Variants in SH3GL2 observed in about 807,000 individuals in gnomAD.
SH3GL2 encodes SH3 domain containing GRB2 like 2, endophilin A1.
In SH3GL2, 24 loss-of-function variants were observed where a neutral mutation model predicts 46.0. The ratio of observed to expected loss-of-function variants is 0.52; its 90% CI spans 0.38 to 0.73. SH3GL2 has a LOEUF of 0.73. Among genes scored for constraint, SH3GL2 ranks in the 30% least tolerant of loss-of-function variants. The pLI is 0.00. For synonymous variants in SH3GL2, 196 were observed against 147.1 expected (o/e 1.33, Z -2.40); for missense variants, 413 against 424.2 (o/e 0.97, Z 0.23).
chr9:17,728,825 A>C (rs34657366), intron 1 of SH3GL2, among the ~76,000 whole-genome samples: 1 of 152,152 alleles, frequency 6.6e-6, no homozygotes, highest in African/African-American at 2.4e-5. Flanking sequence ...TTATGGCTGC[A>C]TAGTATTCCA....
chr9:17,603,405 G>A (rs984182332), intron 1 of SH3GL2, among the ~76,000 whole-genome samples: 2 of 152,168 alleles, frequency 1.3e-5, no homozygotes. Context: ...AAGACTCTGT[G>A]ATCCCACTTA....
At chr9:17,688,116 C>T (rs991679328) in intron 1 of SH3GL2, among the ~76,000 whole-genome samples, 1 of 151,922 alleles carries the variant, frequency 6.6e-6, no homozygotes, top group African/African-American at 2.4e-5. Context: ...ATTAAAATAC[C>T]TCTGAACTTG....
chr9:17,769,639 C>A (rs931163429), intron 3 of SH3GL2, among the ~76,000 whole-genome samples: 5 of 152,140 alleles, frequency 3.3e-5, no homozygotes, highest in Non-Finnish European at 7.4e-5. Context: ...CTGTACAGTC[C>A]TTTCCTGCCC....
At chr9:17,616,880 G>C (rs1188145655) in intron 1 of SH3GL2, among the ~76,000 whole-genome samples, 1 of 152,164 alleles carries the variant, frequency 6.6e-6, no homozygotes, top group Non-Finnish European at 1.5e-5. Flanking sequence ...AGTCAGCGTA[G>C]TATAAAAGGT....
intron 1 of SH3GL2, among the ~76,000 whole-genome samples, chr9:17,651,689 T>A (rs1238790649): frequency 6.6e-6 from 1 of 152,194 alleles, no homozygotes; most frequent in African/African-American, 2.4e-5. Flanking sequence ...TGAAAGAGAT[T>A]TGTGTTGGCT....
chr9:17,696,360 A>G (rs747842270), intron 1 of SH3GL2, among the ~76,000 whole-genome samples: 3 of 152,216 alleles, frequency 2.0e-5, no homozygotes, highest in Non-Finnish European at 2.9e-5. Context: ...CCAAAGAGAA[A>G]GTATTCCTGG....
intron 1 of SH3GL2, among the ~76,000 whole-genome samples, chr9:17,673,400 C>T (rs796924017): frequency 2.8e-4 from 43 of 151,530 alleles, no homozygotes; most frequent in African/African-American, 9.9e-4. Flanking sequence ...GATCTGCCTG[C>T]CTCCCAAAGT....
At chr9:17,724,814 GTTTC>G (rs1316222482) in intron 1 of SH3GL2, among the ~76,000 whole-genome samples, 5 of 152,126 alleles carry the variant, frequency 3.3e-5, no homozygotes, top group Non-Finnish European at 5.9e-5. Flanking sequence ...GCTCAAATTT[GTTTC>G]TTTGTGTTTA....
chr9:17,741,719 C>A (rs1013535441), intron 1 of SH3GL2, among the ~76,000 whole-genome samples: 5 of 152,200 alleles, frequency 3.3e-5, no homozygotes, highest in African/African-American at 1.2e-4. Context: ...AAGTCTCAGA[C>A]ATTTTCAAAT....
At chr9:17,779,674 T>G (rs941660301) in intron 3 of SH3GL2, among the ~76,000 whole-genome samples, 8 of 152,168 alleles carry the variant, frequency 5.3e-5, no homozygotes, top group African/African-American at 1.7e-4. Context: ...GAATTTTGTT[T>G]CATCTTCATT....
intron 1 of SH3GL2, among the ~76,000 whole-genome samples, chr9:17,686,006 A>C (rs1301818151): frequency 7.7e-5 from 11 of 143,200 alleles, no homozygotes; most frequent in Non-Finnish European, 1.2e-4. Flanking sequence ...TGAACAGGCA[A>C]CCTACAAAAT....
intron 3 of SH3GL2, among the ~76,000 whole-genome samples, chr9:17,784,414 G>A (rs1370992331): frequency 1.3e-5 from 2 of 152,100 alleles, no homozygotes; most frequent in Non-Finnish European, 2.9e-5. Flanking sequence ...AGGATTTGTA[G>A]GGATTAACTC....
rs1821673433 is a variant in SH3GL2 at position 17,713,158 on chromosome 9, A to C, written c.46-33908A>C. 3.3e-5 allele frequency among the ~76,000 whole-genome samples: 5 copies of C among 151,132 alleles called. No individual in the cohort carries two copies. The South Asian group carries it at 1.0e-3, about 31-fold the overall frequency. ...TGTAGTTTTCCTTTTTAGTTTTTTAAATGTGTTGATTGATGTTTTGAGTGT... is the reference window on the plus strand; with the variant it reads ...TGTAGTTTTCCTTTTTAGTTTTTTACATGTGTTGATTGATGTTTTGAGTGT... On this transcript the variant is annotated intron_variant, in intron 1 of 8. Coordinates refer to ENST00000380607, the MANE Select transcript of SH3GL2 (RefSeq NM_003026.5).
At chr9:17,620,586 G>A (rs1819115674) in intron 1 of SH3GL2, among the ~76,000 whole-genome samples, 1 of 152,210 alleles carries the variant, frequency 6.6e-6, no homozygotes, top group Non-Finnish European at 1.5e-5. Context: ...GAGGGTTGGT[G>A]CAGTACTCTG....
chr9:17,770,706 A>C (rs1184329130), intron 3 of SH3GL2, among the ~76,000 whole-genome samples: 1 of 152,210 alleles, frequency 6.6e-6, no homozygotes, highest in African/African-American at 2.4e-5. Context: ...TGTCTAGAAG[A>C]AGCACACTGC....
At chr9:17,729,015 A>G (rs888709292) in intron 1 of SH3GL2, among the ~76,000 whole-genome samples, 1 of 152,146 alleles carries the variant, frequency 6.6e-6, no homozygotes, top group Admixed American at 6.6e-5. Flanking sequence ...TGGGTCAAAT[A>G]GTATTTTTAC....
At chr9:17,685,958 A>C (rs1424674424) in intron 1 of SH3GL2, among the ~76,000 whole-genome samples, 6 of 149,212 alleles carry the variant, frequency 4.0e-5, no homozygotes, top group South Asian at 4.4e-4. Context: ...TAATTAAACT[A>C]AAGAGCTTCT....
chr9:17,744,029 A>G (rs561215026), intron 1 of SH3GL2, among the ~76,000 whole-genome samples: 7 of 152,350 alleles, frequency 4.6e-5, no homozygotes, highest in African/African-American at 1.7e-4. Flanking sequence ...ATTTTGGAAT[A>G]TAGTGAGTTT....
intron 1 of SH3GL2, among the ~76,000 whole-genome samples, chr9:17,600,022 T>C (rs1050941731): frequency 5.3e-5 from 8 of 152,176 alleles, no homozygotes; most frequent in Admixed American, 2.0e-4. Context: ...ATTTAAATTC[T>C]TATAACACTT....
Sources: gnomAD v4.1 joint callset for allele counts (sites outside exome capture counted in the v4.1 genomes callset) on GRCh38, gnomAD v4.1.1 for gene constraint, MANE v1.5 for transcripts, NCBI Gene and HGNC (gene_info 2026-07-23, HGNC 2026-07-21) for gene names.